Variants in KANK1 observed in about 807,000 individuals in gnomAD.
KANK1 encodes the protein KN motif and ankyrin repeat domain-containing protein 1.
KANK1 carries 109 observed loss-of-function variants against 106.2 expected under a neutral mutation model. That is an observed-to-expected ratio of 1.03 (90% CI 0.88 to 1.20). KANK1 has a LOEUF of 1.20. Ranked by LOEUF, KANK1 falls within the 50% of genes most tolerant of loss-of-function variation. KANK1 has a pLI of 0.00. For missense variants in KANK1, 2,399 were observed against 1,710.7 expected, an observed-to-expected ratio of 1.40 and a Z score of -7.10; for synonymous variants, 873 against 652.2, an observed-to-expected ratio of 1.34 and a Z score of -5.16.
At chr9:501,611 CAT>C (rs879890172), upstream of KANK1, among the ~76,000 whole-genome samples, 4 of 127,586 alleles carry the variant, frequency 3.1e-5, no homozygotes, top group African/African-American at 3.8e-5. Flanking sequence ...CACGCACAGA[CAT>C]ACACACACAC....
chr9:722,954 GA>G (rs889386049), intron 3 of KANK1, among the ~76,000 whole-genome samples: 158 of 152,172 alleles, frequency 1.0e-3, no homozygotes, highest in African/African-American at 3.6e-3. Context: ...CAATGATGGG[GA>G]AAAAAGACAT....
intron 1 of KANK1, among the ~76,000 whole-genome samples, chr9:531,859 G>T (rs908852606): frequency 6.6e-6 from 1 of 152,042 alleles, no homozygotes; most frequent in Non-Finnish European, 1.5e-5. Context: ...TGTGTGTGTT[G>T]TGTGTGTGTG....
At chr9:471,029 C>G (rs80175051) in intron 2 of KANK1, 1 of 152,132 alleles carries the variant, frequency 6.6e-6, no homozygotes, top group South Asian at 2.1e-4. Flanking sequence ...TGCAAGGAGC[C>G]GGTCATAGAA....
At chr9:497,007 C>T (rs556069237) in intron 3 of KANK1, among the ~76,000 whole-genome samples, 13 of 152,186 alleles carry the variant, frequency 8.5e-5, no homozygotes, top group African/African-American at 3.1e-4. Flanking sequence ...GAATTATGTC[C>T]TTCAGCCACG....
chr9:744,998 A>C (rs1836815876), intron 11 of KANK1, 175 bp from the exon 12 acceptor site: 12 of 1,499,158 alleles, frequency 8.0e-6, no homozygotes, highest in Non-Finnish European at 1.1e-5. Flanking sequence ...AGCACTGCTG[A>C]GCCCAGCTGG....
At chr9:484,635 T>C (rs765564295) in intron 3 of KANK1, 1 of 152,194 alleles carries the variant, frequency 6.6e-6, no homozygotes, top group Non-Finnish European at 1.5e-5. Flanking sequence ...AGAGGCAAGA[T>C]AAAAGATATA....
intron 1 of KANK1, among the ~76,000 whole-genome samples, chr9:530,104 T>C (rs1462775251): frequency 6.6e-6 from 1 of 152,230 alleles, no homozygotes; most frequent in African/African-American, 2.4e-5. Context: ...TCCTTTGCCA[T>C]TGGGCTGTTA....
chr9:489,247 G>A lies in KANK1; in HGVS notation c.-362+15974G>A, dbSNP rs73386735. On this transcript the variant is annotated intron_variant, in intron 3 of 15. Transcript: ENST00000382303. The stretch of plus-strand genomic sequence containing the variant: ...AAATCCTCGTGCAGTTTGGGGTAGA[G>A]CCTACATGTGTATTTTGGAAAGGCC... Among the ~76,000 whole-genome samples, 1,012 of 152,184 alleles carry A rather than the reference G, an allele frequency of 6.6e-3. 17 individuals are homozygous for A. The highest frequency in any genetic ancestry group is 0.023 in the African/African-American group (934 of 41,508).
intron 1 of KANK1, among the ~76,000 whole-genome samples, chr9:519,016 G>T (rs371554582): frequency 6.6e-6 from 1 of 151,418 alleles, no homozygotes; most frequent in South Asian, 2.1e-4. Flanking sequence ...TCAGCCTCCC[G>T]AGTAGCTGGG....
At chr9:519,013 C>A (rs1441944455) in intron 1 of KANK1, among the ~76,000 whole-genome samples, 2 of 151,602 alleles carry the variant, frequency 1.3e-5, no homozygotes, top group Non-Finnish European at 2.9e-5. Flanking sequence ...GCCTCAGCCT[C>A]CCGAGTAGCT....
chr9:573,667 TTTTATC>T (rs1320525823), intron 1 of KANK1, among the ~76,000 whole-genome samples: 1 of 152,136 alleles, frequency 6.6e-6, no homozygotes, highest in African/African-American at 2.4e-5. Context: ...GGCATTTTAT[TTTTATC>T]TTAAAGAAAA....
At chr9:517,192 TC>T (rs2059321415) in intron 1 of KANK1, among the ~76,000 whole-genome samples, 1 of 151,732 alleles carries the variant, frequency 6.6e-6, no homozygotes, top group African/African-American at 2.4e-5. Context: ...TACTGCAACT[TC>T]CGACGGTTCA....
At chr9:669,394 G>T (rs1237728452) in intron 1 of KANK1, among the ~76,000 whole-genome samples, 1 of 152,130 alleles carries the variant, frequency 6.6e-6, no homozygotes, top group Non-Finnish European at 1.5e-5. Flanking sequence ...TTGTAAGACA[G>T]ATCTAGTAGT....
chr9:544,359 A>G (rs1232878485), intron 1 of KANK1, among the ~76,000 whole-genome samples: 1 of 152,006 alleles, frequency 6.6e-6, no homozygotes, highest in African/African-American at 2.4e-5. Context: ...ACTTTAATAT[A>G]TTTGAGGGCT....
At chr9:501,651 TTGATA>T (rs773121971), upstream of KANK1, among the ~76,000 whole-genome samples, 2 of 151,446 alleles carry the variant, frequency 1.3e-5, no homozygotes, top group East Asian at 1.9e-4. Flanking sequence ...CCCCAATTGC[TTGATA>T]TGATATCGAT....
At chr9:660,630 C>T (rs1206105544) in intron 1 of KANK1, among the ~76,000 whole-genome samples, 7 of 152,172 alleles carry the variant, frequency 4.6e-5, no homozygotes, top group South Asian at 2.1e-4. Flanking sequence ...TAGACAACTA[C>T]GTCTGGCCAG....
rs141708056 is a variant in KANK1, at chr9:624,461, C to G, written c.-83-52429C>G. Among the ~76,000 whole-genome samples the G allele has an allele frequency of 5.4e-3, 823 of 152,056 alleles. 6 individuals carry two copies. Among genetic ancestry groups the G allele is most frequent in the African/African-American group, 0.018 (746 of 41,448 alleles). ...CGTATAATTTCTATTAATTATTCCT[C>G]AATAAAATTAGGAAAATCAGAAGCA... is the stretch of plus-strand genomic sequence containing the variant. On this transcript the variant is annotated intron_variant, in intron 1 of 11. Coordinates refer to ENST00000382297, the MANE Select transcript of KANK1 (RefSeq NM_015158.5).
chr9:706,509 C>G (rs903507735), intron 2 of KANK1, among the ~76,000 whole-genome samples: 2 of 149,804 alleles, frequency 1.3e-5, no homozygotes, highest in Non-Finnish European at 2.9e-5. Flanking sequence ...TAACGCTTGC[C>G]ACTTGATGGT....
chr9:571,079 G>C (rs1400843061), intron 1 of KANK1, among the ~76,000 whole-genome samples: 2 of 152,146 alleles, frequency 1.3e-5, no homozygotes, highest in South Asian at 2.1e-4. Context: ...AATGGGACCA[G>C]TTTGCACCTC....
Sources: gnomAD v4.1 joint callset for allele counts (sites outside exome capture counted in the v4.1 genomes callset) on GRCh38, gnomAD v4.1.1 for gene constraint, MANE v1.5 for transcripts, NCBI Gene and HGNC (gene_info 2026-07-23, HGNC 2026-07-21) for gene names.